Variants in GUCY1A2 observed in about 807,000 individuals in gnomAD.
GUCY1A2 encodes the protein guanylate cyclase 1 soluble subunit alpha 2.
Under a neutral mutation model 63.5 loss-of-function variants are expected in GUCY1A2, and 27 were observed. The ratio of observed to expected loss-of-function variants is 0.43; its 90% CI spans 0.31 to 0.59. The LOEUF (loss-of-function observed/expected upper bound fraction) is 0.59, where lower values mean the gene tolerates loss of function less well. Ranked by LOEUF, GUCY1A2 falls within the 20% of genes least tolerant of loss-of-function variation. The probability of loss-of-function intolerance (pLI) is 0.11; values close to 1 mark genes in which losing one functional copy is unlikely to be tolerated. For missense variants in GUCY1A2, 768 were observed against 913.3 expected (o/e 0.84, Z 2.05); for synonymous variants, 364 against 343.5 (o/e 1.06, Z -0.66).
intron 1 of GUCY1A2, among the ~76,000 whole-genome samples, chr11:106,995,007 C>T (rs775930517): frequency 2.0e-5 from 3 of 152,024 alleles, no homozygotes; most frequent in Non-Finnish European, 2.9e-5. Context: ...ATGAAAATAC[C>T]GATGATAAGA....
chr11:106,725,149 A>ATTTTT, intron 6 of GUCY1A2, among the ~76,000 whole-genome samples: 1 of 59,840 alleles, frequency 1.7e-5, no homozygotes, highest in Admixed American at 2.1e-4. Flanking sequence ...ATTGACATAA[A>ATTTTT]TTCTTTTTTT....
intron 4 of GUCY1A2, among the ~76,000 whole-genome samples, chr11:106,831,729 A>C (rs7941031): frequency 0.07 from 10,627 of 152,208 alleles, 808 homozygotes; most frequent in African/African-American, 0.19. Context: ...AGAGGCACCC[A>C]ACCTGCCTCA....
intron 1 of GUCY1A2, among the ~76,000 whole-genome samples, chr11:106,989,336 C>A (rs1861441723): frequency 6.6e-6 from 1 of 151,994 alleles, no homozygotes; most frequent in African/African-American, 2.4e-5. Flanking sequence ...AAACAAGATT[C>A]CTTATGCGTA....
chr11:106,775,868 T>C (rs1484458470), intron 6 of GUCY1A2, among the ~76,000 whole-genome samples: 1 of 152,154 alleles, frequency 6.6e-6, no homozygotes, highest in Non-Finnish European at 1.5e-5. Context: ...TCATTCTTCA[T>C]TCCCAGAGGT....
At position 106,922,082 on chromosome 11, in the gene GUCY1A2, C is replaced by A. The variant is rs184969725; in HGVS notation, c.1206+17378G>T. Among the ~76,000 whole-genome samples the A allele has an allele frequency of 3.3e-5, 5 of 152,146 alleles. No individual in the cohort carries two copies. In the East Asian group the frequency reaches 9.7e-4, roughly 29 times the overall value. ...AACACTTGTACAATTAGCTTTTTGCCTAGGTTGCTTTCCTCATGAAATTGA... is the reference window on the plus strand; with the variant it reads ...AACACTTGTACAATTAGCTTTTTGCATAGGTTGCTTTCCTCATGAAATTGA... On this transcript the variant is annotated intron_variant, in intron 4 of 7. Transcript: ENST00000526355.
rs1308760881 is a variant in GUCY1A2, at chr11:106,822,536, G to A, written c.1207-12058C>T. ...CCTCTCAGCCTCCTCCCTCAAGCAG[G>A]ACCCAGTTTCTATTGTTCCCATCTT... On this transcript the variant is annotated intron_variant, in intron 4 of 7. Coordinates refer to ENST00000526355, the MANE Select transcript of GUCY1A2 (RefSeq NM_000855.3). 3.9e-5 allele frequency among the ~76,000 whole-genome samples: 6 copies of A among 152,018 alleles called. No homozygotes were observed. The South Asian group carries it at 6.2e-4, about 16-fold the overall frequency.
At chr11:106,747,849 A>T (rs948636097) in intron 6 of GUCY1A2, among the ~76,000 whole-genome samples, 19 of 152,140 alleles carry the variant, frequency 1.2e-4, no homozygotes, top group Non-Finnish European at 2.8e-4. Context: ...GAGGGATCTG[A>T]TGGAAAGTTA....
At chr11:106,783,654 T>C (rs2135407542) in intron 5 of GUCY1A2, among the ~76,000 whole-genome samples, 1 of 152,256 alleles carries the variant, frequency 6.6e-6, no homozygotes, top group Non-Finnish European at 1.5e-5. Context: ...TGAAAGGAAA[T>C]CCCACTTGTC....
intron 4 of GUCY1A2, among the ~76,000 whole-genome samples, chr11:106,864,734 T>C (rs1164020222): frequency 2.6e-5 from 4 of 152,284 alleles, no homozygotes; most frequent in East Asian, 1.9e-4. Context: ...GTCACATATG[T>C]TGAACCAGCC....
chr11:106,961,118 C>G (rs1269400369), intron 3 of GUCY1A2, among the ~76,000 whole-genome samples: 2 of 152,006 alleles, frequency 1.3e-5, no homozygotes, highest in African/African-American at 2.4e-5. Flanking sequence ...AGACTAGTCT[C>G]TTCAATGCAT....
chr11:106,938,107 T>A (rs1860703468), intron 4 of GUCY1A2, among the ~76,000 whole-genome samples: 1 of 152,006 alleles, frequency 6.6e-6, no homozygotes, highest in South Asian at 2.1e-4. Context: ...CCAGCTCGTT[T>A]TTTTGTGTTT....
intron 5 of GUCY1A2, among the ~76,000 whole-genome samples, chr11:106,799,581 A>C (rs1864832207): frequency 6.6e-6 from 1 of 152,218 alleles, no homozygotes; most frequent in African/African-American, 2.4e-5. Context: ...CTCAGAAATA[A>C]TACCACACAT....
intron 4 of GUCY1A2, among the ~76,000 whole-genome samples, chr11:106,812,693 A>C (rs974334461): frequency 1.5e-4 from 23 of 152,002 alleles, no homozygotes; most frequent in African/African-American, 5.1e-4. Flanking sequence ...TAAATTGAAT[A>C]GTTCACATTC....
At chr11:106,836,157 T>A (rs1859114540) in intron 4 of GUCY1A2, among the ~76,000 whole-genome samples, 1 of 151,906 alleles carries the variant, frequency 6.6e-6, no homozygotes, top group African/African-American at 2.4e-5. Context: ...AACATGGGGA[T>A]TGGGAGCGCT....
intron 4 of GUCY1A2, among the ~76,000 whole-genome samples, chr11:106,828,327 G>A (rs1012817608): frequency 2.6e-5 from 4 of 151,558 alleles, no homozygotes; most frequent in African/African-American, 9.7e-5. Context: ...TTTTATAGTT[G>A]CAAGTATTAT....
At position 106,687,704 on chromosome 11, in the gene GUCY1A2, G is replaced by T; in HGVS notation, c.2044C>A (p.Leu682Ile). ...ATTTCCTTTGGAAAGTTGTCTGGAAGCTCTTCACGAGACCGCGGAATGAAT... is the reference window on the plus strand; with the variant it reads ...ATTTCCTTTGGAAAGTTGTCTGGAATCTCTTCACGAGACCGCGGAATGAAT... The part of the protein sequence containing the change: ...FTFIPRSREE[L>I]PDNFPKEIPG... Residue 682 changes from leucine to isoleucine, a missense_variant, in exon 8 of 8, where the codon CTT becomes ATT. This residue lies in a region of GUCY1A2 where 150 missense variants were observed against 188.3 expected (regional missense o/e 0.80). Transcript: ENST00000526355. 6.2e-7 allele frequency: 1 copy of T among 1,613,366 alleles called. No individual in the cohort carries two copies. Among genetic ancestry groups the T allele is most frequent in the Non-Finnish European group, 8.5e-7 (1 of 1,179,274 alleles).
At chr11:106,690,789 C>T (rs1016669412) in intron 7 of GUCY1A2, among the ~76,000 whole-genome samples, 2 of 152,096 alleles carry the variant, frequency 1.3e-5, no homozygotes, top group African/African-American at 2.4e-5. Flanking sequence ...CTCCAGGAAA[C>T]AGCAAGACAG....
At chr11:107,010,957 T>C (rs766264221) in intron 1 of GUCY1A2, among the ~76,000 whole-genome samples, 16 of 152,086 alleles carry the variant, frequency 1.1e-4, no homozygotes, top group Non-Finnish European at 1.8e-4. Context: ...CTTGAACTCC[T>C]GACCTCAGGC....
chr11:106,826,607 A>C, intron 4 of GUCY1A2: 1 of 1,604,076 alleles, frequency 6.2e-7, no homozygotes, highest in African/African-American at 1.3e-5. Flanking sequence ...TCTGAACCTA[A>C]GCCCTGTGCA....
Sources: allele counts gnomAD v4.1 joint callset (sites outside exome capture counted in the v4.1 genomes callset), GRCh38; gene constraint gnomAD v4.1.1; regional missense constraint gnomAD v4.1.1; transcripts MANE v1.5; gene names NCBI Gene and HGNC (gene_info 2026-07-23, HGNC 2026-07-21).